FN3K: variants seen among roughly 807,000 people sequenced by gnomAD.
FN3K encodes the protein fructosamine-3-kinase.
FN3K carries 24 observed loss-of-function variants against 24.8 expected under a neutral mutation model. The ratio of observed to expected loss-of-function variants is 0.97; its 90% CI spans 0.70 to 1.36. FN3K has a LOEUF of 1.36. FN3K is among the 40% of genes most tolerant of loss of function. The pLI, the probability that FN3K is intolerant of heterozygous loss-of-function variation, is 0.00. For missense variants in FN3K, 449 were observed against 416.7 expected (o/e 1.08, Z -0.67); for synonymous variants, 192 against 175.2 (o/e 1.10, Z -0.76).
At chr17:82,742,806 G>A (rs1165611180) in intron 4 of FN3K, 3 of 442,604 alleles carry the variant, frequency 6.8e-6, no homozygotes, top group Middle Eastern at 3.3e-4. Context: ...ACTGCTTCTT[G>A]AAGAGAGAAT....
chr17:82,738,921 TACAC>T (rs1208877781), intron 2 of FN3K, among the ~76,000 whole-genome samples: 7 of 85,980 alleles, frequency 8.1e-5, no homozygotes, highest in Admixed American at 1.6e-4. Flanking sequence ...TATATATATA[TACAC>T]ATATATATAT....
intron 4 of FN3K, among the ~76,000 whole-genome samples, chr17:82,742,980 C>G (rs1568069128): frequency 6.6e-6 from 1 of 152,170 alleles, no homozygotes; most frequent in Non-Finnish European, 1.5e-5. Flanking sequence ...TCCCAGCCAA[C>G]AGGCAGTCCT....
chr17:82,738,455 C>CAACAAGGCT (rs2046918753), intron 1 of FN3K, 34 bp from the exon 2 acceptor site: 1 of 1,611,352 alleles, frequency 6.2e-7, no homozygotes, highest in African/African-American at 1.3e-5. Context: ...CTGGCTGAGT[C>CAACAAGGCT]AACAAGGCTG....
chr17:82,746,741 G>T (rs900637979), intron 4 of FN3K, among the ~76,000 whole-genome samples: 1 of 152,030 alleles, frequency 6.6e-6, no homozygotes, highest in Non-Finnish European at 1.5e-5. Context: ...AGGCAGGGAG[G>T]TTGCAGTGAG....
At chr17:82,749,044 G>A in intron 5 of FN3K, 67 bp downstream of exon 5, 2 of 1,607,468 alleles carry the variant, frequency 1.2e-6, no homozygotes, top group Non-Finnish European at 1.7e-6. Context: ...ATTTGTGCGG[G>A]TTCATCTGTA....
intron 4 of FN3K, among the ~76,000 whole-genome samples, chr17:82,742,374 T>G (rs1277684663): frequency 6.6e-6 from 1 of 152,160 alleles, no homozygotes; most frequent in Non-Finnish European, 1.5e-5. Context: ...CAGAACCCAT[T>G]AGCAGTCACT....
chr17:82,740,912 G>T, intron 3 of FN3K, 58 bp downstream of exon 3: 1 of 1,136,904 alleles, frequency 8.8e-7, no homozygotes, highest in South Asian at 1.2e-5. Context: ...ACCCTAGATG[G>T]GTGCTCATGG....
intron 4 of FN3K, 67 bp from the exon 5 acceptor site, chr17:82,748,788 C>A: frequency 1.2e-6 from 2 of 1,610,320 alleles, no homozygotes; most frequent in South Asian, 1.1e-5. Flanking sequence ...TTTGAATGGT[C>A]CCTCTAGGGT....
At chr17:82,744,115 T>A (rs1358364473) in intron 4 of FN3K, among the ~76,000 whole-genome samples, 1 of 152,066 alleles carries the variant, frequency 6.6e-6, no homozygotes, top group Non-Finnish European at 1.5e-5. Flanking sequence ...GAGGGGCCTT[T>A]CCATCCTGCT....
intron 1 of FN3K, 56 bp from the exon 2 acceptor site, chr17:82,738,433 T>A: frequency 1.2e-6 from 2 of 1,609,610 alleles, no homozygotes; most frequent in Non-Finnish European, 1.7e-6. Context: ...AAGGGCCCAG[T>A]GGGCAGAGGC....
intron 1 of FN3K, chr17:82,736,069 C>T (rs2046898838): frequency 8.0e-6 from 3 of 373,834 alleles, no homozygotes; most frequent in South Asian, 6.3e-5. Flanking sequence ...GTCCTTGGCT[C>T]AGCTCTGGGC....
intron 2 of FN3K, among the ~76,000 whole-genome samples, chr17:82,739,185 T>A (rs1239579585): frequency 1.3e-5 from 2 of 151,870 alleles, no homozygotes; most frequent in Non-Finnish European, 2.9e-5. Context: ...TGACTTCAAG[T>A]GATCCACCCA....
At chr17:82,748,796 G>A in intron 4 of FN3K, 59 bp from the exon 5 acceptor site, 1 of 1,611,470 alleles carries the variant, frequency 6.2e-7, no homozygotes, top group Non-Finnish European at 8.5e-7. Flanking sequence ...GTCCCTCTAG[G>A]GTTTAGGCAG....
intron 5 of FN3K, chr17:82,749,412 C>G (rs966383644): frequency 2.2e-5 from 7 of 313,116 alleles, no homozygotes; most frequent in Admixed American, 9.0e-5. Flanking sequence ...CGCCTGTAAT[C>G]GCAGCATTTG....
intron 4 of FN3K, among the ~76,000 whole-genome samples, chr17:82,743,858 T>A (rs1307362625): frequency 6.6e-6 from 1 of 152,170 alleles, no homozygotes; most frequent in Non-Finnish European, 1.5e-5. Flanking sequence ...AGGGGAGGCC[T>A]GGTCATTGGG....
At chr17:82,738,347 G>A (rs2046917759) in intron 1 of FN3K, 142 bp from the exon 2 acceptor site, 3 of 1,148,876 alleles carry the variant, frequency 2.6e-6, no homozygotes, top group African/African-American at 3.0e-5. Flanking sequence ...GCCCTCTGTG[G>A]TGGACGCCAG....
rs761156906 is a variant in FN3K at position 82,735,622 on chromosome 17, C to A, written c.-15C>A. 2.6e-6 allele frequency: 4 copies of A among 1,514,402 alleles called. No individual in the cohort carries two copies. Among genetic ancestry groups the A allele is most frequent in the African/African-American group, 1.4e-5 (1 of 69,258 alleles). 93.8% of individuals were successfully genotyped at this position (1,514,402 alleles called of 1,614,324 possible). On this transcript the variant is annotated 5_prime_UTR_variant, in exon 1 of 6. Coordinates refer to ENST00000300784, the MANE Select transcript of FN3K (RefSeq NM_022158.4). The stretch of plus-strand genomic sequence containing the variant: ...AGGGGCTTCCGAGCGAGCAGAGTCC[C>A]GCGCCCCGCACTCCATGGAGCAGCT...
At position 82,750,879 on chromosome 17, in the gene FN3K, TCCATCCCCCCGTCCCC is replaced by T; in HGVS notation, c.*131_*146del. 1 of 502,832 alleles carries T rather than the reference TCCATCCCCCCGTCCCC, an allele frequency of 2.0e-6. No individual in the cohort carries two copies. Among genetic ancestry groups the T allele is most frequent in the Admixed American group, 3.4e-5 (1 of 29,790 alleles). 31.1% of individuals were successfully genotyped at this position (502,832 alleles called of 1,614,324 possible). On this transcript the variant is annotated 3_prime_UTR_variant, in exon 6 of 6. Coordinates refer to ENST00000300784, the MANE Select transcript of FN3K (RefSeq NM_022158.4). Reference sequence around the variant, plus strand: ...GTTCCCGTCTCCCCGTCCCTCCGTCTCCATCCCCCCGTCCCCCCATCCTCCTGTCCCCGTCCCCCCG... The same window carrying T: ...GTTCCCGTCTCCCCGTCCCTCCGTCTCCATCCTCCTGTCCCCGTCCCCCCG...
chr17:82,738,431 A>G, intron 1 of FN3K, 58 bp from the exon 2 acceptor site: 5 of 1,608,490 alleles, frequency 3.1e-6, no homozygotes, highest in Non-Finnish European at 3.4e-6. Flanking sequence ...TCAAGGGCCC[A>G]GTGGGCAGAG....
Sources: gnomAD v4.1 joint callset for allele counts (sites outside exome capture counted in the v4.1 genomes callset) on GRCh38, gnomAD v4.1.1 for gene constraint, MANE v1.5 for transcripts, NCBI Gene and HGNC (gene_info 2026-07-23, HGNC 2026-07-21) for gene names.